Variants in DLG2 observed in about 807,000 individuals in gnomAD.
DLG2 encodes discs large MAGUK scaffold protein 2.
Under a neutral mutation model 132.5 loss-of-function variants are expected in DLG2, and 45 were observed. That is an observed-to-expected ratio of 0.34 (90% CI 0.27 to 0.44). The LOEUF (loss-of-function observed/expected upper bound fraction) is 0.44, where lower values mean the gene tolerates loss of function less well. Among genes scored for constraint, DLG2 ranks in the 20% least tolerant of loss-of-function variants. The pLI, the probability that DLG2 is intolerant of heterozygous loss-of-function variation, is 1.00. For missense variants in DLG2, 1,045 were observed against 1,196.9 expected, an observed-to-expected ratio of 0.87 and a Z score of 1.87; for synonymous variants, 424 against 419.6, an observed-to-expected ratio of 1.01 and a Z score of -0.13.
At chr11:83,480,412 T>C (rs1190699084) in intron 22 of DLG2, 2 of 1,535,452 alleles carry the variant, frequency 1.3e-6, no homozygotes, top group Non-Finnish European at 1.7e-6. Flanking sequence ...AAGAAACATG[T>C]TCTGCAAGAA....
rs534803969 is a variant in DLG2 at position 84,555,914 on chromosome 11, G to T, written c.358-21183C>A. On this transcript the variant is annotated intron_variant, in intron 6 of 27. Coordinates refer to ENST00000376104, the MANE Select transcript of DLG2 (RefSeq NM_001142699.3). ...GGGGAGACCAGTTGGGAGGCATTTA[G>T]AGAACCTGTGCTGGTGCCTGAGACA... Among the ~76,000 whole-genome samples the T allele has an allele frequency of 3.3e-5, 5 of 152,338 alleles. No individual in the cohort carries two copies. In the East Asian group the frequency reaches 7.7e-4, roughly 24 times the overall value.
intron 10 of DLG2, 141 bp downstream of exon 10, chr11:84,098,780 CAA>C: frequency 1.0e-6 from 1 of 956,080 alleles, no homozygotes; most frequent in Non-Finnish European, 1.5e-6. Flanking sequence ...AAAAGATCTG[CAA>C]AGTCATTTCA....
At chr11:84,451,297 A>G (rs2099050919) in intron 7 of DLG2, among the ~76,000 whole-genome samples, 1 of 151,854 alleles carries the variant, frequency 6.6e-6, no homozygotes, top group South Asian at 2.1e-4. Context: ...ATCTCATTAA[A>G]TTTCTCATGG....
At chr11:84,760,028 T>C (rs756487724) in intron 6 of DLG2, among the ~76,000 whole-genome samples, 2 of 152,200 alleles carry the variant, frequency 1.3e-5, no homozygotes, top group African/African-American at 2.4e-5. Context: ...TTGTCATTGG[T>C]AAGCTTTTGT....
intron 18 of DLG2, among the ~76,000 whole-genome samples, chr11:83,674,751 C>T (rs2153582027): frequency 6.6e-6 from 1 of 152,292 alleles, no homozygotes; most frequent in South Asian, 2.1e-4. Flanking sequence ...AGGCTGGGAG[C>T]ACTTACTCAT....
At chr11:84,368,682 A>G (rs938576945) in intron 7 of DLG2, among the ~76,000 whole-genome samples, 1 of 152,112 alleles carries the variant, frequency 6.6e-6, no homozygotes, top group Non-Finnish European at 1.5e-5. Context: ...ATTCTGTCTT[A>G]TTATCTATTA....
At chr11:85,522,505 G>A (rs1443744642) in intron 3 of DLG2, among the ~76,000 whole-genome samples, 2 of 152,116 alleles carry the variant, frequency 1.3e-5, no homozygotes, top group African/African-American at 4.8e-5. Flanking sequence ...CCAGGCCCCA[G>A]AATAGTAGAT....
chr11:83,666,225 G>A (rs1022530126), intron 18 of DLG2, among the ~76,000 whole-genome samples: 2 of 152,092 alleles, frequency 1.3e-5, no homozygotes, highest in African/African-American at 4.8e-5. Flanking sequence ...GAATGTTATT[G>A]TATTTGTTGT....
Position 84,385,337 on chromosome 11 carries a change from G to C in DLG2, c.520-134046C>G, listed in dbSNP as rs574053348. 3.9e-5 allele frequency among the ~76,000 whole-genome samples: 6 copies of C among 152,204 alleles called. No individual in the cohort carries two copies. In the East Asian group the frequency reaches 1.2e-3, roughly 29 times the overall value. On this transcript the variant is annotated intron_variant, in intron 7 of 27. Coordinates refer to ENST00000376104, the MANE Select transcript of DLG2 (RefSeq NM_001142699.3). ...GAATATTATTTCAGTTCTATGAACA[G>C]GGTAAAGAACTTGTTCTCATGCTTT...
chr11:83,981,307 G>T (rs1415337063), intron 11 of DLG2, among the ~76,000 whole-genome samples: 1 of 151,892 alleles, frequency 6.6e-6, no homozygotes, highest in Non-Finnish European at 1.5e-5. Flanking sequence ...GTTATTAACT[G>T]ATTAACTAAT....
chr11:84,707,283 A>G (rs998794004), intron 6 of DLG2, among the ~76,000 whole-genome samples: 16 of 151,808 alleles, frequency 1.1e-4, no homozygotes, highest in African/African-American at 3.9e-4. Flanking sequence ...CTATCTTTAC[A>G]GAGAGATAAA....
intron 6 of DLG2, among the ~76,000 whole-genome samples, chr11:84,763,560 G>A (rs2067957698): frequency 6.6e-6 from 1 of 152,078 alleles, no homozygotes; most frequent in South Asian, 2.1e-4. Context: ...GTTACCATCA[G>A]CATCTTCTCC....
chr11:84,734,324 T>C (rs1366606990), intron 6 of DLG2, among the ~76,000 whole-genome samples: 1 of 152,176 alleles, frequency 6.6e-6, no homozygotes, highest in African/African-American at 2.4e-5. Flanking sequence ...TGAGCAGTGG[T>C]TTGCAGTTCT....
chr11:84,984,827 G>A (rs1255189323), intron 6 of DLG2, among the ~76,000 whole-genome samples: 4 of 152,146 alleles, frequency 2.6e-5, no homozygotes, highest in Non-Finnish European at 4.4e-5. Context: ...AAGCGGGCAG[G>A]AGTAGCTAGT....
chr11:83,541,449 CTCTT>C (rs2096064991), intron 20 of DLG2, among the ~76,000 whole-genome samples: 1 of 152,198 alleles, frequency 6.6e-6, no homozygotes, highest in African/African-American at 2.4e-5. Flanking sequence ...TAAGCTGATC[CTCTT>C]TCTTCCTTTA....
intron 9 of DLG2, among the ~76,000 whole-genome samples, chr11:84,105,005 G>A (rs1445848076): frequency 2.0e-5 from 3 of 152,048 alleles, no homozygotes; most frequent in Non-Finnish European, 4.4e-5. Context: ...AAGACGTGAA[G>A]CAAGTAAATA....
At chr11:85,485,292 T>A (rs907304885) in intron 3 of DLG2, among the ~76,000 whole-genome samples, 1 of 152,146 alleles carries the variant, frequency 6.6e-6, no homozygotes, top group Non-Finnish European at 1.5e-5. Context: ...GCATGGCACA[T>A]GTATACATAT....
chr11:84,029,312 A>C (rs530379300), intron 11 of DLG2, among the ~76,000 whole-genome samples: 23 of 152,210 alleles, frequency 1.5e-4, no homozygotes, highest in African/African-American at 5.5e-4. Context: ...CCAAATCTTA[A>C]TGTAAATAAG....
chr11:84,694,772 A>C (rs2058439036), intron 6 of DLG2, among the ~76,000 whole-genome samples: 1 of 151,640 alleles, frequency 6.6e-6, no homozygotes. Flanking sequence ...ACAACAAATT[A>C]GATATTAATC....
Sources: gnomAD v4.1 joint callset for allele counts (sites outside exome capture counted in the v4.1 genomes callset) on GRCh38, gnomAD v4.1.1 for gene constraint, MANE v1.5 for transcripts, NCBI Gene and HGNC (gene_info 2026-07-23, HGNC 2026-07-21) for gene names.